Variants in MTSS2 observed in about 807,000 individuals in gnomAD.
MTSS2 encodes the protein MTSS I-BAR domain containing 2.
Under a neutral mutation model 67.1 loss-of-function variants are expected in MTSS2, and 27 were observed. The observed-to-expected ratio is 0.40, with a 90% CI of 0.30 to 0.55. MTSS2 has a LOEUF of 0.55. Among genes scored for constraint, MTSS2 ranks in the 20% least tolerant of loss-of-function variants. The pLI, the probability that MTSS2 is intolerant of heterozygous loss-of-function variation, is 0.43. For synonymous variants in MTSS2, 624 were observed against 468.6 expected, an observed-to-expected ratio of 1.33 and a Z score of -4.28; for missense variants, 1,171 against 1,067.8, an observed-to-expected ratio of 1.10 and a Z score of -1.35.
intron 2 of MTSS2, 45 bp from the exon 3 acceptor site, chr16:70,680,912 G>T (rs1451557836): frequency 2.8e-6 from 4 of 1,445,162 alleles, no homozygotes; most frequent in South Asian, 2.4e-5. Flanking sequence ...GTTGGGCGGG[G>T]GGGGGGCCTC....
At position 70,685,743 on chromosome 16, in the gene MTSS2, C is replaced by T; in HGVS notation, c.49G>A (p.Ala17Thr). The T allele has an allele frequency of 7.2e-6, 10 of 1,393,986 alleles. No individual in the cohort carries two copies. Among genetic ancestry groups the T allele is most frequent in the Non-Finnish European group, 9.5e-6 (10 of 1,054,194 alleles). The allele number at this position is 1,393,986 out of a possible 1,614,324, so 86.4% of individuals were successfully genotyped here. ...ECGALGGLFQ[A>T]IVNDMKSSYP... ...GTTACCTTCATGTCGTTGACTATGG[C>T]CTGGAAGAGCCCGCCCAGGGCGCCG... Residue 17 changes from alanine to threonine, a missense_variant, in exon 1 of 15, where the codon GCC becomes ACC. By Grantham distance (58) the Ala-to-Thr change is moderately conservative. This residue lies in a region of MTSS2 where 247 missense variants were observed against 311.8 expected (regional missense o/e 0.79). Coordinates refer to ENST00000338779, the MANE Select transcript of MTSS2 (RefSeq NM_138383.3).
Position 70,664,601 on chromosome 16 carries a change from G to T in MTSS2, c.1468C>A (p.Gln490Lys). 6.2e-7 allele frequency: 1 copy of T among 1,612,088 alleles called. No homozygotes were observed. The highest frequency in any genetic ancestry group is 8.5e-7 in the Non-Finnish European group (1 of 1,179,284). Residue 490 changes from glutamine (Q) to lysine (K), a missense_variant, in exon 14 of 15, where the codon CAA becomes AAA. Coordinates refer to ENST00000338779, the MANE Select transcript of MTSS2 (RefSeq NM_138383.3). ...CACCCCAGCCCCGCGGGCCTGCCTT[G>T]GGAGGGGATGGTGTCCTCAGAGCAG... is the stretch of plus-strand genomic sequence containing the variant. ...PSCSEDTIPS[Q>K]GSDYDCYSVN...
intron 8 of MTSS2, 25 bp from the exon 9 acceptor site, chr16:70,677,924 G>A: frequency 2.0e-6 from 3 of 1,529,348 alleles, no homozygotes; most frequent in Non-Finnish European, 1.8e-6. Flanking sequence ...AGTCAGACCT[G>A]CTGGCCCTAT....
intron 11 of MTSS2, among the ~76,000 whole-genome samples, chr16:70,672,136 T>TC (rs1401149717): frequency 6.6e-6 from 1 of 151,560 alleles, no homozygotes. Context: ...TCACCTGAGG[T>TC]CAGGAATTCG....
At chr16:70,680,724 C>A in intron 3 of MTSS2, 70 bp downstream of exon 3, 2 of 1,380,076 alleles carry the variant, frequency 1.4e-6, no homozygotes, top group South Asian at 2.5e-5. Context: ...TGGCCCATCC[C>A]CTACTCTTCC....
At chr16:70,665,267 C>T (rs2052667629) in intron 12 of MTSS2, 171 bp from the exon 13 acceptor site, 2 of 937,622 alleles carry the variant, frequency 2.1e-6, no homozygotes, top group Non-Finnish European at 1.6e-6. Flanking sequence ...TCAGTCCCAC[C>T]AGGCCCAGGG....
At chr16:70,679,239 T>A (rs976572350) in intron 7 of MTSS2, 76 bp downstream of exon 7, 2 of 1,562,240 alleles carry the variant, frequency 1.3e-6, no homozygotes, top group Non-Finnish European at 1.8e-6. Context: ...TTCCTTCCAA[T>A]GGCCCTGAGC....
chr16:70,674,622 G>C, intron 10 of MTSS2, 94 bp from the exon 11 acceptor site: 1 of 1,095,064 alleles, frequency 9.1e-7, no homozygotes, highest in South Asian at 1.4e-5. Flanking sequence ...GGGGAAAGAG[G>C]TGAGGGGCAA....
chr16:70,677,040 G>GC lies in MTSS2; in HGVS notation c.733-63dup, dbSNP rs371959538. The GC allele has an allele frequency of 5.2e-3, 6,410 of 1,226,230 alleles. 24 individuals carry two copies. The highest frequency in any genetic ancestry group is 0.022 in the African/African-American group (1,413 of 63,230). The allele number at this position is 1,226,230 out of a possible 1,614,324, so 76.0% of individuals were successfully genotyped here. ...CTCCTCAGAGCTAGTAGGGCCAGAG[G>GC]CCCCCCCCCACTCTCTAATTGTGAA... is the stretch of plus-strand genomic sequence containing the variant. On this transcript the variant is annotated intron_variant, in intron 9 of 14. Transcript: ENST00000338779.
chr16:70,673,929 A>G (rs2053023917), intron 11 of MTSS2, among the ~76,000 whole-genome samples: 1 of 152,150 alleles, frequency 6.6e-6, no homozygotes, highest in Non-Finnish European at 1.5e-5. Context: ...AAAAGAAAAA[A>G]CAAAGTCAAG....
At chr16:70,679,362 G>A in intron 6 of MTSS2, 39 bp from the exon 7 acceptor site, 1 of 1,613,092 alleles carries the variant, frequency 6.2e-7, no homozygotes, top group Non-Finnish European at 8.5e-7. Flanking sequence ...GAGAGACAGA[G>A]AAAGAAAGAA....
intron 2 of MTSS2, 37 bp downstream of exon 2, chr16:70,680,927 T>C: frequency 1.3e-6 from 2 of 1,551,718 alleles, no homozygotes; most frequent in Non-Finnish European, 1.8e-6. Flanking sequence ...GGCCTCTGCC[T>C]GCCCCTCCCC....
chr16:70,664,732 T>A lies in MTSS2; in HGVS notation c.1337A>T (p.Asp446Val). 1 of 1,612,754 alleles carries A rather than the reference T, an allele frequency of 6.2e-7. No individual in the cohort carries two copies. The highest frequency in any genetic ancestry group is 1.1e-5 in the South Asian group (1 of 90,902). Residue 446 changes from aspartate to valine, a missense_variant, in exon 14 of 15, where the codon GAC becomes GTC. Physicochemically the swap from Asp to Val is radical, Grantham distance 152. Transcript: ENST00000338779. ...HGEEVSPAAS[D>V]LAMVLTRGLS... ...GCCCCGCGTCAGCACCATGGCCAGG[T>A]CACTGGCGGCGGGGGACACCTCCTC...
chr16:70,674,022 G>C (rs2053027620), intron 11 of MTSS2, among the ~76,000 whole-genome samples: 1 of 152,032 alleles, frequency 6.6e-6, no homozygotes. Flanking sequence ...GGCTAAAAAT[G>C]GCAATTAAAA....
intron 1 of MTSS2, 35 bp from the exon 2 acceptor site, chr16:70,681,060 G>C: frequency 1.3e-6 from 2 of 1,588,092 alleles, no homozygotes; most frequent in Non-Finnish European, 1.7e-6. Flanking sequence ...TGAGCTTCTT[G>C]TGGGGTGGTT....
At position 70,680,061 on chromosome 16, in the gene MTSS2, G is replaced by T; in HGVS notation, c.206-6C>A. ...GCCGATGTCCCTCGTGGCCCCTGGC[G>T]AGGCAAGCGCGGGGTGGGAAGGGGC... On this transcript the variant is annotated splice_polypyrimidine_tract_variant and splice_region_variant and intron_variant, in intron 3 of 14. Transcript: ENST00000338779. The T allele has an allele frequency of 6.6e-7, 1 of 1,511,598 alleles. No homozygotes were observed. The highest frequency in any genetic ancestry group is 2.7e-5 in the East Asian group (1 of 37,428). The allele number at this position is 1,511,598 out of a possible 1,614,324, so 93.6% of individuals were successfully genotyped here.
chr16:70,679,410 G>T, intron 6 of MTSS2, 87 bp from the exon 7 acceptor site: 1 of 1,548,222 alleles, frequency 6.5e-7, no homozygotes, highest in African/African-American at 1.4e-5. Flanking sequence ...CCACTCCTGG[G>T]GCGGGGGTGC....
rs1322549481 is a variant in MTSS2 at position 70,674,482 on chromosome 16, G to A, written c.877C>T (p.Pro293Ser). ...GGTGAGTATGTTTGGGCACCCCCAG[G>A]CCATGGGGCTCCGCCACCCTTGGCA... ...SSAKGGGAPW[P>S]GGAQTYSPSS... The change falls in exon 11 of 15, where the codon CCT becomes TCT. Residue 293 changes from proline to serine, a missense_variant. This residue lies in a region of MTSS2 where 924 missense variants were observed against 756.0 expected (regional missense o/e 1.22). Coordinates refer to ENST00000338779, the MANE Select transcript of MTSS2 (RefSeq NM_138383.3). 2 of 1,614,010 alleles carry A rather than the reference G, an allele frequency of 1.2e-6. No individual in the cohort carries two copies. Among genetic ancestry groups the A allele is most frequent in the Non-Finnish European group, 1.7e-6 (2 of 1,180,026 alleles).
Position 70,663,773 on chromosome 16 carries a change from G to C in MTSS2, c.2148C>G (p.Ser716Arg). The C allele has an allele frequency of 6.6e-7, 1 of 1,519,642 alleles. No homozygotes were observed. The highest frequency in any genetic ancestry group is 8.8e-7 in the Non-Finnish European group (1 of 1,135,206). The allele number at this position is 1,519,642 out of a possible 1,614,324, so 94.1% of individuals were successfully genotyped here. A position where few individuals can be genotyped will look rare whatever the true frequency, so the allele number is the denominator to read the frequency against. ...ETPTPPPAAT[S>R]DPPAEDMLVA... ...CCAGCATGTCTTCGGCCGGGGGGTCGCTGGTGGCGGCTGGGGGTGGGGTGG... is the reference window on the plus strand; with the variant it reads ...CCAGCATGTCTTCGGCCGGGGGGTCCCTGGTGGCGGCTGGGGGTGGGGTGG... Residue 716 changes from serine to arginine, a missense_variant, in exon 15 of 15, where the codon AGC (serine) becomes AGG (arginine). Ser to Arg is a moderately radical substitution (Grantham distance 110). Transcript: ENST00000338779.
Sources: allele counts gnomAD v4.1 joint callset (sites outside exome capture counted in the v4.1 genomes callset), GRCh38; gene constraint gnomAD v4.1.1; regional missense constraint gnomAD v4.1.1; transcripts MANE v1.5; gene names NCBI Gene and HGNC (gene_info 2026-07-23, HGNC 2026-07-21).